The following CHSY3 variants were observed in gnomAD, a reference collection of about 807,000 sequenced individuals.
The protein encoded by CHSY3 is N-acetylgalactosaminyl-proteoglycan 3-beta-glucuronosyltransferase 3.
CHSY3 carries 35 observed loss-of-function variants against 67.2 expected under a neutral mutation model. The ratio of observed to expected loss-of-function variants is 0.52; its 90% CI spans 0.40 to 0.69. The LOEUF (loss-of-function observed/expected upper bound fraction) is 0.69, where lower values mean the gene tolerates loss of function less well. CHSY3 is among the 30% of genes least tolerant of loss of function. The pLI is 0.00. For synonymous variants in CHSY3, 474 were observed against 434.7 expected (o/e 1.09, Z -1.12); for missense variants, 1,069 against 1,138.5 (o/e 0.94, Z 0.88).
rs554685923 is a variant in CHSY3, at chr5:130,077,877, AG to A, written c.1087-106351del. On this transcript the variant is annotated intron_variant, in intron 2 of 2. Coordinates refer to ENST00000305031, the MANE Select transcript of CHSY3 (RefSeq NM_175856.5). ...TTTGTGAGAATACATATTGAAAAAA[AG>A]TTTTATTTTATATAACAAATAGAAA... 3.5e-4 allele frequency among the ~76,000 whole-genome samples: 54 copies of A among 152,154 alleles called. 1 individual carries two copies. In the South Asian group the frequency reaches 7.5e-3, roughly 21 times the overall value.
chr5:130,125,295 T>A (rs1768231340), intron 2 of CHSY3, among the ~76,000 whole-genome samples: 1 of 152,106 alleles, frequency 6.6e-6, no homozygotes, highest in South Asian at 2.1e-4. Context: ...TATACACCTG[T>A]AGTCCCAGCC....
At chr5:129,928,780 C>A (rs1442900838) in intron 2 of CHSY3, among the ~76,000 whole-genome samples, 1 of 151,972 alleles carries the variant, frequency 6.6e-6, no homozygotes, top group African/African-American at 2.4e-5. Flanking sequence ...TGATATGTAG[C>A]TAAAACAATA....
At chr5:130,058,760 A>G (rs977546949) in intron 2 of CHSY3, among the ~76,000 whole-genome samples, 17 of 152,214 alleles carry the variant, frequency 1.1e-4, no homozygotes, top group African/African-American at 4.1e-4. Flanking sequence ...CAGCAGAAAT[A>G]TGTTCTCTTA....
Position 130,143,832 on chromosome 5 carries a change from A to G in CHSY3, c.1087-40397A>G, listed in dbSNP as rs1278754403. ...TGTGTATATATATATATATATATATATATATATATATATATGCCAATTCAG... is the reference window on the plus strand; with the variant it reads ...TGTGTATATATATATATATATATATGTATATATATATATATGCCAATTCAG... On this transcript the variant is annotated intron_variant, in intron 2 of 2. Transcript: ENST00000305031. Among the ~76,000 whole-genome samples, 1,077 of 131,972 alleles carry G rather than the reference A, an allele frequency of 8.2e-3. 46 individuals carry two copies. Among genetic ancestry groups the G allele is most frequent in the African/African-American group, 0.028 (979 of 35,104 alleles). The allele number at this position is 131,972 out of a possible 152,430, so 86.6% of individuals were successfully genotyped here.
intron 2 of CHSY3, among the ~76,000 whole-genome samples, chr5:130,079,838 C>A (rs1362590446): frequency 3.3e-5 from 5 of 152,042 alleles, no homozygotes; most frequent in Non-Finnish European, 7.4e-5. Flanking sequence ...ATATCAGAAA[C>A]AAGGAAGTTT....
intron 2 of CHSY3, among the ~76,000 whole-genome samples, chr5:130,124,653 C>T (rs1028770324): frequency 1.3e-5 from 2 of 152,170 alleles, no homozygotes; most frequent in African/African-American, 4.8e-5. Context: ...GACGGTGTTT[C>T]GCCATGTTGC....
intron 2 of CHSY3, among the ~76,000 whole-genome samples, chr5:129,989,139 A>G (rs979134024): frequency 6.6e-6 from 1 of 152,150 alleles, no homozygotes; most frequent in Non-Finnish European, 1.5e-5. Flanking sequence ...TTACTGGCTG[A>G]CGGTTCTGGT....
chr5:130,084,912 A>C (rs896318753), intron 2 of CHSY3, among the ~76,000 whole-genome samples: 1 of 152,164 alleles, frequency 6.6e-6, no homozygotes, highest in Non-Finnish European at 1.5e-5. Context: ...TGAAACCTCC[A>C]GGTAGCAGGC....
At chr5:129,977,366 A>G (rs1349997087) in intron 2 of CHSY3, among the ~76,000 whole-genome samples, 1 of 152,214 alleles carries the variant, frequency 6.6e-6, no homozygotes, top group African/African-American at 2.4e-5. Context: ...TTATTTGGGA[A>G]CAGATTACTT....
intron 2 of CHSY3, among the ~76,000 whole-genome samples, chr5:130,036,393 A>C (rs1421658687): frequency 6.6e-6 from 1 of 152,144 alleles, no homozygotes; most frequent in Non-Finnish European, 1.5e-5. Context: ...TAGAGCACCA[A>C]ATTTAAGTAT....
chr5:130,071,913 C>T (rs963341925), intron 2 of CHSY3, among the ~76,000 whole-genome samples: 1 of 151,974 alleles, frequency 6.6e-6, no homozygotes, highest in African/African-American at 2.4e-5. Flanking sequence ...GAGGATATCT[C>T]ATTGTGGTTT....
intron 2 of CHSY3, among the ~76,000 whole-genome samples, chr5:129,946,045 G>A (rs1761845945): frequency 6.6e-6 from 1 of 152,158 alleles, no homozygotes. Context: ...TTGAATAGCA[G>A]CACAGAAGCA....
chr5:130,163,629 C>A (rs1390235411), intron 2 of CHSY3, among the ~76,000 whole-genome samples: 1 of 152,024 alleles, frequency 6.6e-6, no homozygotes, highest in Non-Finnish European at 1.5e-5. Context: ...TAAATTTTGC[C>A]ATACTGAATT....
chr5:130,144,893 G>A (rs975477393), intron 2 of CHSY3, among the ~76,000 whole-genome samples: 5 of 152,192 alleles, frequency 3.3e-5, no homozygotes, highest in African/African-American at 1.2e-4. Flanking sequence ...CAATTACAAA[G>A]AAGCATGATG....
At chr5:130,001,892 G>T in intron 2 of CHSY3, 1 of 925,528 alleles carries the variant, frequency 1.1e-6, no homozygotes, top group Non-Finnish European at 1.3e-6. Context: ...AGGTAATGGT[G>T]GAAGCTGAAA....
At chr5:130,143,188 C>G (rs1030868811) in intron 2 of CHSY3, among the ~76,000 whole-genome samples, 1 of 152,138 alleles carries the variant, frequency 6.6e-6, no homozygotes, top group Admixed American at 6.6e-5. Context: ...AGTTATCTCT[C>G]CAGACTATTT....
intron 2 of CHSY3, among the ~76,000 whole-genome samples, chr5:130,092,049 C>A (rs1326016953): frequency 1.3e-5 from 2 of 152,104 alleles, no homozygotes; most frequent in Non-Finnish European, 2.9e-5. Flanking sequence ...TCTGTCCCTG[C>A]CATTTTGAGT....
At position 129,950,846 on chromosome 5, in the gene CHSY3, C is replaced by T. The variant is rs141137609; in HGVS notation, c.1086+42486C>T. 3.7e-3 allele frequency among the ~76,000 whole-genome samples: 563 copies of T among 152,240 alleles called. 2 individuals carry two copies. The highest frequency in any genetic ancestry group is 0.01 in the Middle Eastern group (3 of 294). Reference sequence around the variant, plus strand: ...TACTACCCAAAGCGATCTGCAGATTCAGTGAAATCCTTATCAAAATTCCAA... The same window carrying T: ...TACTACCCAAAGCGATCTGCAGATTTAGTGAAATCCTTATCAAAATTCCAA... On this transcript the variant is annotated intron_variant, in intron 2 of 2. Coordinates refer to ENST00000305031, the MANE Select transcript of CHSY3 (RefSeq NM_175856.5).
chr5:130,178,129 T>A (rs941424979), intron 2 of CHSY3, among the ~76,000 whole-genome samples: 9 of 146,854 alleles, frequency 6.1e-5, no homozygotes, highest in Non-Finnish European at 1.0e-4. Flanking sequence ...TAAACATGGA[T>A]AAATATGGAT....
Sources: gnomAD v4.1 joint callset for allele counts (sites outside exome capture counted in the v4.1 genomes callset) on GRCh38, gnomAD v4.1.1 for gene constraint, MANE v1.5 for transcripts, NCBI Gene and HGNC (gene_info 2026-07-23, HGNC 2026-07-21) for gene names.